ATG5: variants seen among roughly 807,000 people sequenced by gnomAD.
The protein encoded by ATG5 is autophagy related 5.
In ATG5, 14 loss-of-function variants were observed where a neutral mutation model predicts 36.5. The observed-to-expected ratio is 0.38, with a 90% CI of 0.25 to 0.60. ATG5 has a LOEUF of 0.60. Among genes scored for constraint, ATG5 ranks in the 20% least tolerant of loss-of-function variants. The pLI is 0.60. For missense variants in ATG5, 195 were observed against 326.7 expected, an observed-to-expected ratio of 0.60 and a Z score of 3.11; for synonymous variants, 95 against 101.5, an observed-to-expected ratio of 0.94 and a Z score of 0.38.
At chr6:106,191,709 T>G (rs1344983221) in intron 7 of ATG5, among the ~76,000 whole-genome samples, 2 of 152,136 alleles carry the variant, frequency 1.3e-5, no homozygotes. Context: ...CCCTCTCTCC[T>G]GCTCACTCTC....
chr6:106,229,213 C>T (rs556328572), intron 6 of ATG5, among the ~76,000 whole-genome samples: 2 of 152,372 alleles, frequency 1.3e-5, no homozygotes, highest in East Asian at 3.9e-4. Context: ...AAGCTCTATG[C>T]TGCGCCCTTA....
At position 106,204,905 on chromosome 6, in the gene ATG5, G is replaced by C. The variant is rs187288093; in HGVS notation, c.574-2816C>G. The stretch of plus-strand genomic sequence containing the variant: ...AAAGCCATACTTTCTCATACAAGTT[G>C]AAACCAAGAACAATATCATGCATAA... On this transcript the variant is annotated intron_variant, in intron 6 of 7. Coordinates refer to ENST00000369076, the MANE Select transcript of ATG5 (RefSeq NM_004849.4). Among the ~76,000 whole-genome samples the C allele has an allele frequency of 1.5e-4, 23 of 152,290 alleles. No individual in the cohort carries two copies. The East Asian group carries it at 4.4e-3, about 29-fold the overall frequency.
At chr6:106,298,464 T>A (rs144154229) in intron 3 of ATG5, among the ~76,000 whole-genome samples, 2 of 151,968 alleles carry the variant, frequency 1.3e-5, no homozygotes, top group Non-Finnish European at 2.9e-5. Flanking sequence ...AGTGGGAGAA[T>A]TGCTTGAACC....
At chr6:106,201,389 TAAAG>T (rs1373649866) in intron 7 of ATG5, among the ~76,000 whole-genome samples, 1 of 151,992 alleles carries the variant, frequency 6.6e-6, no homozygotes, top group Non-Finnish European at 1.5e-5. Context: ...TATGTTGTAA[TAAAG>T]AAAAACAGAA....
chr6:106,224,456 A>T (rs151109107), intron 6 of ATG5, among the ~76,000 whole-genome samples: 12 of 152,350 alleles, frequency 7.9e-5, no homozygotes, highest in African/African-American at 2.6e-4. Context: ...TGACCTGGTA[A>T]CTTGAAGAAA....
intron 2 of ATG5, among the ~76,000 whole-genome samples, chr6:106,315,056 G>A (rs987103166): frequency 1.2e-4 from 19 of 152,196 alleles, no homozygotes; most frequent in Admixed American, 1.3e-4. Context: ...GCCAGATGCT[G>A]AGGATGCACA....
chr6:106,238,955 TA>T (rs1460059059), intron 6 of ATG5, among the ~76,000 whole-genome samples: 7 of 152,094 alleles, frequency 4.6e-5, no homozygotes, highest in Admixed American at 4.6e-4. Flanking sequence ...TTCATCAAAC[TA>T]GCAAATAACT....
At chr6:106,272,057 C>A (rs1779473549) in intron 5 of ATG5, among the ~76,000 whole-genome samples, 1 of 152,182 alleles carries the variant, frequency 6.6e-6, no homozygotes, top group Admixed American at 6.5e-5. Context: ...AATAACAACG[C>A]CCTTTCCCAA....
intron 6 of ATG5, among the ~76,000 whole-genome samples, chr6:106,229,442 A>AGAGAGAGACAGAGAGGAGAGG (rs1777585510): frequency 6.6e-6 from 1 of 151,964 alleles, no homozygotes; most frequent in African/African-American, 2.4e-5. Context: ...GAGAGGAGAG[A>AGAGAGAGACAGAGAGGAGAGG]GAGAGAGACA....
At chr6:106,258,309 G>A (rs1444641487) in intron 5 of ATG5, among the ~76,000 whole-genome samples, 1 of 151,944 alleles carries the variant, frequency 6.6e-6, no homozygotes, top group African/African-American at 2.4e-5. Context: ...GGAGGTCAAG[G>A]CTGCAGTGAG....
At chr6:106,212,184 C>A (rs1337260441) in intron 6 of ATG5, among the ~76,000 whole-genome samples, 2 of 152,206 alleles carry the variant, frequency 1.3e-5, no homozygotes, top group Non-Finnish European at 2.9e-5. Context: ...GTGAAAAAGA[C>A]TGCTCTCATT....
In ATG5 at chr6:106,219,900, T is replaced by C. The variant is rs1777176759; in HGVS notation, c.574-17811A>G. On this transcript the variant is annotated intron_variant, in intron 6 of 7. Transcript: ENST00000369076. ...CGGTTTCCAAATGTGTATCCAATCT[T>C]GTTTAATTATAATCAAACTCACCAT... 2.0e-5 allele frequency among the ~76,000 whole-genome samples: 3 copies of C among 152,288 alleles called. No homozygotes were observed. The South Asian group carries it at 6.2e-4, about 32-fold the overall frequency.
In ATG5 at chr6:106,202,099, A is replaced by C; in HGVS notation, c.574-10T>G. The stretch of plus-strand genomic sequence containing the variant: ...GTCTTTCAGTCGTTGTCTATTTGAA[A>C]AAGGAAAAAATGATTCAAGCAATTA... On this transcript the variant is annotated splice_polypyrimidine_tract_variant and intron_variant, in intron 6 of 7. Transcript: ENST00000369076. 1 of 1,606,436 alleles carries C rather than the reference A, an allele frequency of 6.2e-7. No individual in the cohort carries two copies. The highest frequency in any genetic ancestry group is 8.5e-7 in the Non-Finnish European group (1 of 1,174,014).
intron 2 of ATG5, among the ~76,000 whole-genome samples, chr6:106,312,623 TACACAC>T (rs144983689): frequency 1.1e-3 from 161 of 144,480 alleles, no homozygotes; most frequent in African/African-American, 1.6e-3. Flanking sequence ...CAAAAAAGAC[TACACAC>T]ACACACACAC....
chr6:106,185,447 T>G lies in ATG5; in HGVS notation c.*1093A>C, dbSNP rs764549228. 2 of 152,528 alleles carry G rather than the reference T, an allele frequency of 1.3e-5. No individual in the cohort carries two copies. Among genetic ancestry groups the G allele is most frequent in the Non-Finnish European group, 2.9e-5 (2 of 68,030 alleles). 9.4% of individuals were successfully genotyped at this position (152,528 alleles called of 1,614,324 possible). ...CTTGGTAATAAAGTGCAGCAAACTT[T>G]CCTTATATTGAATAAGAACTCCAGT... On this transcript the variant is annotated 3_prime_UTR_variant, in exon 8 of 8. Transcript: ENST00000369076.
chr6:106,290,204 TTTTATTTTA>T (rs1780247094), intron 4 of ATG5, among the ~76,000 whole-genome samples: 1 of 148,872 alleles, frequency 6.7e-6, no homozygotes, highest in African/African-American at 2.4e-5. Context: ...TTTTATTTTA[TTTTATTTTA>T]TTTATTTTAT....
At chr6:106,192,149 C>G (rs1483953590) in intron 7 of ATG5, among the ~76,000 whole-genome samples, 1 of 151,846 alleles carries the variant, frequency 6.6e-6, no homozygotes, top group African/African-American at 2.4e-5. Context: ...TCAAGTGGAG[C>G]ACATCACCTA....
At chr6:106,311,259 T>A (rs565879458) in intron 2 of ATG5, among the ~76,000 whole-genome samples, 1 of 152,222 alleles carries the variant, frequency 6.6e-6, no homozygotes, top group East Asian at 1.9e-4. Context: ...AGCATACAGG[T>A]TAGACAGCAA....
chr6:106,262,476 G>C (rs1779059938), intron 5 of ATG5, among the ~76,000 whole-genome samples: 2 of 152,072 alleles, frequency 1.3e-5, no homozygotes, highest in Admixed American at 1.3e-4. Flanking sequence ...AAACAAAAAA[G>C]GATTAGAAAA....
Sources: allele counts gnomAD v4.1 joint callset (sites outside exome capture counted in the v4.1 genomes callset), GRCh38; gene constraint gnomAD v4.1.1; transcripts MANE v1.5; gene names NCBI Gene and HGNC (gene_info 2026-07-23, HGNC 2026-07-21).